Variants in PLK2 observed in about 807,000 individuals in gnomAD.
PLK2 encodes the protein serine/threonine-protein kinase PLK2.
Under a neutral mutation model 78.1 loss-of-function variants are expected in PLK2, and 25 were observed. The observed-to-expected ratio is 0.32, with a 90% CI of 0.23 to 0.45. PLK2 has a LOEUF of 0.45. Ranked by LOEUF, PLK2 falls within the 20% of genes least tolerant of loss-of-function variation. The pLI is 1.00. For missense variants in PLK2, 566 were observed against 840.2 expected, an observed-to-expected ratio of 0.67 and a Z score of 4.04; for synonymous variants, 332 against 298.2, an observed-to-expected ratio of 1.11 and a Z score of -1.17.
At chr5:58,459,616 C>G in intron 1 of PLK2, 74 bp downstream of exon 1, 1 of 1,326,708 alleles carries the variant, frequency 7.5e-7, no homozygotes, top group Non-Finnish European at 1.0e-6. Flanking sequence ...AGGGACCCCG[C>G]GGGCTTGCCC....
intron 10 of PLK2, 71 bp from the exon 11 acceptor site, chr5:58,455,850 G>A (rs1743586264): frequency 6.4e-7 from 1 of 1,565,840 alleles, no homozygotes; most frequent in Non-Finnish European, 8.7e-7. Context: ...TTTGGTAGAT[G>A]CTAAGTTTCA....
At chr5:58,456,458 G>T in intron 9 of PLK2, 34 bp downstream of exon 9, 1 of 1,207,116 alleles carries the variant, frequency 8.3e-7, no homozygotes, top group Non-Finnish European at 1.2e-6. Flanking sequence ...ATAACGTAAA[G>T]CGTGAGTATC....
intron 1 of PLK2, 154 bp downstream of exon 1, chr5:58,459,536 G>C (rs1296431141): frequency 1.1e-5 from 7 of 641,604 alleles, no homozygotes; most frequent in Non-Finnish European, 1.8e-5. Context: ...GCGCACAAAA[G>C]CCAGAGGGCA....
At chr5:58,459,276 T>C (rs922877399) in intron 1 of PLK2, 184 bp from the exon 2 acceptor site, 15 of 599,582 alleles carry the variant, frequency 2.5e-5, no homozygotes, top group Non-Finnish European at 3.8e-5. Flanking sequence ...AATGCATTGC[T>C]GGAAACAGCA....
chr5:58,459,007 G>C lies in PLK2; in HGVS notation c.356C>G (p.Ala119Gly). 1 of 1,600,026 alleles carries C rather than the reference G, an allele frequency of 6.2e-7. No homozygotes were observed. The highest frequency in any genetic ancestry group is 8.6e-7 in the Non-Finnish European group (1 of 1,167,276). ...AAKIIPHSRV[A>G]KPHQREKIDK... ...CACCTTTTCCCTTTGATGAGGTTTA[G>C]CTACTCTGCTGTGAGGAATAATTTT... Residue 119 changes from alanine to glycine, a missense_variant, in exon 2 of 14, where the codon GCT (alanine) becomes GGT (glycine). Physicochemically the swap from Ala to Gly is moderately conservative, Grantham distance 60. This residue lies in a region of PLK2 where 179 missense variants were observed against 342.3 expected (regional missense o/e 0.52). Transcript: ENST00000274289.
chr5:58,459,600 C>T, intron 1 of PLK2, 90 bp downstream of exon 1: 4 of 1,168,284 alleles, frequency 3.4e-6, no homozygotes, highest in Non-Finnish European at 4.7e-6. Context: ...CCGGAAGCGG[C>T]GGGCGAGGGA....
At chr5:58,454,821 T>C (rs988100165) in intron 13 of PLK2, 47 bp from the exon 14 acceptor site, 5 of 1,515,824 alleles carry the variant, frequency 3.3e-6, no homozygotes, top group Admixed American at 1.7e-5. Context: ...TATTCGAGAA[T>C]TAGAAAAGTT....
In PLK2 at chr5:58,456,937, T is replaced by TA; in HGVS notation, c.1156+7dup. On this transcript the variant is annotated splice_region_variant and intron_variant, in intron 8 of 13. Transcript: ENST00000274289. Reference sequence around the variant, plus strand: ...TACGAAAAAGGAAAAGAAGTCTTGTTAACTTACTATGTGTGTCAATATATC... The same window carrying TA: ...TACGAAAAAGGAAAAGAAGTCTTGTTAAACTTACTATGTGTGTCAATATATC... 6.4e-7 allele frequency: 1 copy of TA among 1,558,148 alleles called. No homozygotes were observed. Among genetic ancestry groups the TA allele is most frequent in the Non-Finnish European group, 8.7e-7 (1 of 1,146,970 alleles).
At chr5:58,456,383 A>G (rs943224648) in intron 9 of PLK2, 109 bp downstream of exon 9, 10 of 855,566 alleles carry the variant, frequency 1.2e-5, no homozygotes, top group Admixed American at 2.5e-5. Context: ...GAAAAACTTT[A>G]AGTAAATATG....
At chr5:58,456,631 A>G in intron 8 of PLK2, 42 bp from the exon 9 acceptor site, 9 of 1,217,052 alleles carry the variant, frequency 7.4e-6, no homozygotes, top group Non-Finnish European at 9.7e-6. Context: ...AGTCTATCTT[A>G]ACAAGGTAGG....
Position 58,455,346 on chromosome 5 carries a change from A to C in PLK2, c.1694T>G (p.Phe565Cys). Residue 565 changes from phenylalanine (F) to cysteine (C), a missense_variant, in exon 12 of 14, where the codon TTT becomes TGT. Phe to Cys is a radical substitution (Grantham distance 205, BLOSUM62 -2). Coordinates refer to ENST00000274289, the MANE Select transcript of PLK2 (RefSeq NM_006622.4). The part of the protein sequence containing the change: ...VFPATDAPEQ[F>C]ISQVTVLKYF... The stretch of plus-strand genomic sequence containing the variant: ...TTTCAGCACCGTCACTTGACTAATA[A>C]ATTGCTCAGGAGCATCTGTTGCTGG... 1.9e-6 allele frequency: 3 copies of C among 1,614,008 alleles called. No individual in the cohort carries two copies. Among genetic ancestry groups the C allele is most frequent in the South Asian group, 1.1e-5 (1 of 91,086 alleles).
chr5:58,456,338 C>T (rs1743601841), intron 9 of PLK2, 154 bp downstream of exon 9: 1 of 765,336 alleles, frequency 1.3e-6, no homozygotes, highest in African/African-American at 1.8e-5. Context: ...AAAAGACTTC[C>T]TTTTAGTTTT....
In PLK2 at chr5:58,459,691, T is replaced by A; in HGVS notation, c.269A>T (p.Lys90Met). ...KRYCRGKVLG[K>M]GGFAKCYEMT... is the part of the protein sequence containing the mutation. ...AGCCCGGCGCCCTCCGCTTGTCACC[T>A]TTCCCAGCACTTTGCCCCGGCAGTA... Residue 90 changes from lysine (K) to methionine (M), a missense_variant and splice_region_variant, in exon 1 of 14, where the codon AAG becomes ATG. Physicochemically the swap from Lys to Met is moderately conservative, Grantham distance 95. This residue lies in a region of PLK2 where 127 missense variants were observed against 122.5 expected (regional missense o/e 1.04). Transcript: ENST00000274289. 2.5e-6 allele frequency: 4 copies of A among 1,572,066 alleles called. No homozygotes were observed. Among genetic ancestry groups the A allele is most frequent in the Non-Finnish European group, 3.5e-6 (4 of 1,157,532 alleles).
Position 58,456,132 on chromosome 5 carries a change from T to C in PLK2, c.1278A>G (p.Thr426=), listed in dbSNP as rs1253097635. 2.5e-6 allele frequency: 4 copies of C among 1,613,834 alleles called. No homozygotes were observed. The Admixed American group carries it at 6.7e-5, about 27-fold the overall frequency. ...TDEELQPPTT[T]VARSGTPAVE... is the part of the protein sequence containing the mutation. ...CTGCGGGTGTTCCAGACCTGGCAAC[T>C]GTGGTGGTAGGTGGCTGGAGCTCCT... is the stretch of plus-strand genomic sequence containing the variant. Residue 426 remains threonine, a synonymous_variant, in exon 10 of 14, where the codon ACA becomes ACG. Coordinates refer to ENST00000274289, the MANE Select transcript of PLK2 (RefSeq NM_006622.4).
chr5:58,456,379 C>T (rs1275418442), intron 9 of PLK2, 113 bp downstream of exon 9: 67 of 854,274 alleles, frequency 7.8e-5, no homozygotes, highest in South Asian at 3.3e-5. Flanking sequence ...TGAAGAAAAA[C>T]TTTAAGTAAA....
chr5:58,457,814 A>G (rs1461306672), intron 5 of PLK2: 1 of 590,854 alleles, frequency 1.7e-6, no homozygotes, highest in African/African-American at 1.9e-5. Context: ...CCACATGCAA[A>G]GTGTTGTTAA....
At chr5:58,457,405 G>A in intron 6 of PLK2, 26 bp from the exon 7 acceptor site, 1 of 1,588,576 alleles carries the variant, frequency 6.3e-7, no homozygotes, top group Middle Eastern at 1.7e-4. Flanking sequence ...CACATCTTTA[G>A]CAATGGTCAT....
chr5:58,456,874 CTT>C lies in PLK2; in HGVS notation c.1156+69_1156+70del, dbSNP rs1376971107. 2.3e-4 allele frequency: 240 copies of C among 1,039,934 alleles called. 5 individuals carry two copies. The South Asian group carries it at 3.9e-3, about 17-fold the overall frequency. 64.4% of individuals were successfully genotyped at this position (1,039,934 alleles called of 1,614,324 possible). The stretch of plus-strand genomic sequence containing the variant: ...CCAAGTTATGCTAATATAAAATTCT[CTT>C]TTAACTAATTTACCAAATTTAAATA... On this transcript the variant is annotated intron_variant, in intron 8 of 13. Transcript: ENST00000274289.
chr5:58,457,166 A>AG lies in PLK2; in HGVS notation c.1008+14dup. On this transcript the variant is annotated intron_variant, in intron 7 of 13. Coordinates refer to ENST00000274289, the MANE Select transcript of PLK2 (RefSeq NM_006622.4). ...TCAATACCAGGTAATTAAAAAAAAA[A>AG]GATAGTGCACCAACCTGCAAAAAAA... The AG allele has an allele frequency of 6.2e-7, 1 of 1,611,522 alleles. No homozygotes were observed. Among genetic ancestry groups the AG allele is most frequent in the Non-Finnish European group, 8.5e-7 (1 of 1,178,486 alleles).
Sources: gnomAD v4.1 joint callset for allele counts on GRCh38, gnomAD v4.1.1 for gene constraint, gnomAD v4.1.1 regional missense constraint, MANE v1.5 for transcripts, NCBI Gene and HGNC (gene_info 2026-07-23, HGNC 2026-07-21) for gene names.